Variants in TRDN observed in about 807,000 individuals in gnomAD.
TRDN encodes the protein triadin in skeletal muscle.
TRDN carries 161 observed loss-of-function variants against 149.7 expected under a neutral mutation model. The observed-to-expected ratio is 1.08, with a 90% CI of 0.95 to 1.23. The LOEUF (loss-of-function observed/expected upper bound fraction) is 1.23, where lower values mean the gene tolerates loss of function less well. Among genes scored for constraint, TRDN ranks in the 50% most tolerant of loss-of-function variants. The pLI, the probability that TRDN is intolerant of heterozygous loss-of-function variation, is 0.00. For synonymous variants in TRDN, 294 were observed against 250.5 expected (o/e 1.17, Z -1.64); for missense variants, 896 against 823.5 (o/e 1.09, Z -1.08).
intron 10 of TRDN, among the ~76,000 whole-genome samples, chr6:123,453,149 C>G (rs1775891241): frequency 6.6e-6 from 1 of 152,138 alleles, no homozygotes; most frequent in Non-Finnish European, 1.5e-5. Flanking sequence ...TATAAAAATT[C>G]TAGAAGATAA....
intron 9 of TRDN, among the ~76,000 whole-genome samples, chr6:123,491,163 AATGTTTTATTAT>A (rs1778202716): frequency 6.6e-6 from 1 of 151,802 alleles, no homozygotes; most frequent in Non-Finnish European, 1.5e-5. Flanking sequence ...GAAGGAAGGA[AATGTTTTATTAT>A]GAAATGAAGA....
At chr6:123,363,734 G>T (rs1780984187) in intron 20 of TRDN, among the ~76,000 whole-genome samples, 2 of 152,118 alleles carry the variant, frequency 1.3e-5, no homozygotes, top group South Asian at 4.2e-4. Flanking sequence ...ACTAATTGAT[G>T]GTTCAATTTC....
intron 12 of TRDN, among the ~76,000 whole-genome samples, chr6:123,425,933 C>T (rs1466643906): frequency 6.6e-6 from 1 of 152,054 alleles, no homozygotes; most frequent in Admixed American, 6.6e-5. Context: ...CACACAGATA[C>T]ATATGCACAC....
rs1776734251 is a variant in TRDN, at chr6:123,260,662, A to G, written c.1805-24T>C. On this transcript the variant is annotated intron_variant, in intron 33 of 40. Coordinates refer to ENST00000334268, the MANE Select transcript of TRDN (RefSeq NM_006073.4). Reference sequence around the variant, plus strand: ...TTCTTTAGAAAAAAAAAAAAAAAGAATGTAGAAAGAAAGGAAAAAAAATAA... The same window carrying G: ...TTCTTTAGAAAAAAAAAAAAAAAGAGTGTAGAAAGAAAGGAAAAAAAATAA... 8 of 1,392,432 alleles carry G rather than the reference A, an allele frequency of 5.7e-6. No individual in the cohort carries two copies. In the South Asian group the frequency reaches 8.5e-5, roughly 15 times the overall value. The allele number at this position is 1,392,432 out of a possible 1,614,324, so 86.3% of individuals were successfully genotyped here. A position where few individuals can be genotyped will look rare whatever the true frequency, so the allele number is the denominator to read the frequency against.
intron 19 of TRDN, among the ~76,000 whole-genome samples, chr6:123,370,870 G>C (rs896219317): frequency 7.0e-6 from 1 of 143,648 alleles, no homozygotes; most frequent in African/African-American, 2.6e-5. Flanking sequence ...CTTATATCTA[G>C]TGCCCATTTT....
chr6:123,292,602 A>G (rs1778048310), intron 24 of TRDN, among the ~76,000 whole-genome samples: 1 of 152,140 alleles, frequency 6.6e-6, no homozygotes, highest in South Asian at 2.1e-4. Flanking sequence ...TAAAACTTGG[A>G]AAGAAGAATC....
intron 38 of TRDN, among the ~76,000 whole-genome samples, chr6:123,226,234 C>T (rs947043189): frequency 6.6e-6 from 1 of 151,642 alleles, no homozygotes; most frequent in African/African-American, 2.4e-5. Context: ...TGAAACAGTA[C>T]AAACTGTTAT....
In TRDN at chr6:123,636,284, G is replaced by A. The variant is rs867344679; in HGVS notation, c.22+470C>T. Among the ~76,000 whole-genome samples, 18 of 151,988 alleles carry A rather than the reference G, an allele frequency of 1.2e-4. No homozygotes were observed. In the Middle Eastern group the frequency reaches 0.017, roughly 144 times the overall value. On this transcript the variant is annotated intron_variant, in intron 1 of 40. Coordinates refer to ENST00000334268, the MANE Select transcript of TRDN (RefSeq NM_006073.4). ...GTAGGAAAGGAAAAACAAATTTAAGGTCTCCATTTAAAAATATCATAAAGC... is the reference window on the plus strand; with the variant it reads ...GTAGGAAAGGAAAAACAAATTTAAGATCTCCATTTAAAAATATCATAAAGC...
At chr6:123,281,336 A>C (rs1020140496) in intron 24 of TRDN, among the ~76,000 whole-genome samples, 2 of 152,020 alleles carry the variant, frequency 1.3e-5, no homozygotes, top group African/African-American at 4.8e-5. Context: ...TTTACCCTAA[A>C]TGTGTGATGG....
intron 27 of TRDN, among the ~76,000 whole-genome samples, chr6:123,273,929 T>C (rs1562240862): frequency 6.6e-6 from 1 of 151,646 alleles, no homozygotes; most frequent in Non-Finnish European, 1.5e-5. Context: ...AAGGTCATAC[T>C]TTTTTTTAGG....
intron 1 of TRDN, among the ~76,000 whole-genome samples, chr6:123,604,605 A>C (rs1468822956): frequency 1.3e-5 from 2 of 152,170 alleles, no homozygotes; most frequent in Non-Finnish European, 2.9e-5. Flanking sequence ...GATTTTGCAG[A>C]AATCTAGGGT....
chr6:123,502,157 G>A (rs1394586959), intron 8 of TRDN: 10 of 983,886 alleles, frequency 1.0e-5, no homozygotes, highest in Non-Finnish European at 1.2e-5. Context: ...AATCTAAAGT[G>A]TAAAGGATTT....
intron 1 of TRDN, among the ~76,000 whole-genome samples, chr6:123,584,383 C>T (rs111743035): frequency 3.5e-5 from 4 of 112,824 alleles, no homozygotes; most frequent in Middle Eastern, 3.9e-3. Context: ...AGCCGCTGCA[C>T]GGAGACATGA....
At position 123,570,774 on chromosome 6, in the gene TRDN, A is replaced by C; in HGVS notation, c.232+149T>G. On this transcript the variant is annotated intron_variant, in intron 2 of 40. Transcript: ENST00000334268. ...GAATAGGAGGAAAAAGGGAAGAATG[A>C]AACAGATTTCAGTGATCCTCAAGCA... is the stretch of plus-strand genomic sequence containing the variant. 4 of 667,034 alleles carry C rather than the reference A, an allele frequency of 6.0e-6. No homozygotes were observed. The Admixed American group carries it at 8.8e-5, about 15-fold the overall frequency. 41.3% of individuals were successfully genotyped at this position (667,034 alleles called of 1,614,324 possible).
chr6:123,273,099 A>G (rs1582807682), intron 28 of TRDN, 88 bp from the exon 29 acceptor site: 1 of 879,720 alleles, frequency 1.1e-6, no homozygotes, highest in East Asian at 3.0e-5. Context: ...CCATAGAGAA[A>G]AAATATTCTG....
At chr6:123,388,462 C>G in intron 14 of TRDN, 60 bp downstream of exon 14, 1 of 1,551,578 alleles carries the variant, frequency 6.4e-7, no homozygotes, top group South Asian at 1.2e-5. Context: ...CAAAACCCAA[C>G]TCAGGATATT....
intron 38 of TRDN, among the ~76,000 whole-genome samples, chr6:123,239,588 T>C (rs1775912188): frequency 6.6e-6 from 1 of 152,116 alleles, no homozygotes; most frequent in Non-Finnish European, 1.5e-5. Flanking sequence ...TAAATAAGAA[T>C]AACGTCAGTA....
chr6:123,337,956 T>A (rs926414292), intron 21 of TRDN, among the ~76,000 whole-genome samples: 1 of 152,182 alleles, frequency 6.6e-6, no homozygotes, highest in Non-Finnish European at 1.5e-5. Context: ...GATATAAGAA[T>A]GATAGCTAAC....
intron 12 of TRDN, among the ~76,000 whole-genome samples, chr6:123,396,198 A>T (rs1000483295): frequency 6.6e-6 from 1 of 152,190 alleles, no homozygotes; most frequent in Non-Finnish European, 1.5e-5. Context: ...AATTTTCATT[A>T]TAAATAATTT....
Sources: allele counts gnomAD v4.1 joint callset (sites outside exome capture counted in the v4.1 genomes callset), GRCh38; gene constraint gnomAD v4.1.1; transcripts MANE v1.5; gene names NCBI Gene and HGNC (gene_info 2026-07-23, HGNC 2026-07-21).